MCC: variants seen among roughly 807,000 people sequenced by gnomAD.
The protein encoded by MCC is MCC regulator of Wnt signaling pathway.
A neutral mutation model predicts 116.2 loss-of-function variants in MCC; 90 were observed. That is an observed-to-expected ratio of 0.77 (90% CI 0.65 to 0.92). The LOEUF (loss-of-function observed/expected upper bound fraction) is 0.92, where lower values mean the gene tolerates loss of function less well. MCC is among the 40% of genes least tolerant of loss of function. The pLI is 0.00. For missense variants in MCC, 1,516 were observed against 1,312.2 expected (o/e 1.16, Z -2.40); for synonymous variants, 578 against 510.5 (o/e 1.13, Z -1.78).
At chr5:113,105,002 CCG>C (rs1215162867) in intron 6 of MCC, among the ~76,000 whole-genome samples, 1 of 152,196 alleles carries the variant, frequency 6.6e-6, no homozygotes, top group Non-Finnish European at 1.5e-5. Flanking sequence ...TTGCTTTGAA[CCG>C]CTGGACATCC....
At position 113,051,714 on chromosome 5, in the gene MCC, AC is replaced by A. The variant is rs1189400621; in HGVS notation, c.2448+2010del. ...ACTCCAGCCTGGGTAACACAGTGAG[AC>A]CCTGTTTCAAAACAACAAACAAACA... On this transcript the variant is annotated intron_variant, in intron 15 of 18. Transcript: ENST00000408903. Among the ~76,000 whole-genome samples, 4 of 146,290 alleles carry A rather than the reference AC, an allele frequency of 2.7e-5. No individual in the cohort carries two copies. The Admixed American group carries it at 2.8e-4, about 10-fold the overall frequency.
intron 3 of MCC, among the ~76,000 whole-genome samples, chr5:113,244,199 TATGTAATGTGG>T (rs1481682580): frequency 1.3e-5 from 2 of 152,226 alleles, no homozygotes; most frequent in South Asian, 2.1e-4. Flanking sequence ...CCAAATAGCA[TATGTAATGTGG>T]ATGTAATTGT....
intron 1 of MCC, among the ~76,000 whole-genome samples, chr5:113,425,711 A>G (rs1580358287): frequency 1.3e-5 from 2 of 152,196 alleles, no homozygotes; most frequent in Non-Finnish European, 2.9e-5. Flanking sequence ...ACGTGAGAAG[A>G]ATCAGCTAAA....
At chr5:113,327,010 G>T (rs7709646) in intron 3 of MCC, among the ~76,000 whole-genome samples, 2 of 152,036 alleles carry the variant, frequency 1.3e-5, no homozygotes, top group Admixed American at 6.5e-5. Context: ...AACAAAAATG[G>T]TTCCTAAATT....
chr5:113,447,624 C>T (rs997668280), intron 1 of MCC, among the ~76,000 whole-genome samples: 8 of 152,120 alleles, frequency 5.3e-5, no homozygotes, highest in East Asian at 1.9e-4. Context: ...TTATAGTTGG[C>T]TCATTCCCTA....
At chr5:113,074,786 C>G (rs776864296) in intron 11 of MCC, among the ~76,000 whole-genome samples, 2 of 152,152 alleles carry the variant, frequency 1.3e-5, no homozygotes, top group Non-Finnish European at 2.9e-5. Flanking sequence ...GAAAGCGTAT[C>G]AGGGATTGAA....
intron 3 of MCC, among the ~76,000 whole-genome samples, chr5:113,213,996 A>T (rs1312342156): frequency 6.6e-6 from 1 of 152,172 alleles, no homozygotes. Context: ...GAGGGACCCA[A>T]TCAGCCAAGT....
At chr5:113,364,778 A>C (rs181410566) in intron 2 of MCC, among the ~76,000 whole-genome samples, 1 of 152,260 alleles carries the variant, frequency 6.6e-6, no homozygotes, top group East Asian at 1.9e-4. Flanking sequence ...CAGGCTTAAC[A>C]CCATGTAGAA....
intron 8 of MCC, among the ~76,000 whole-genome samples, chr5:113,091,979 TTC>T (rs956370260): frequency 6.6e-6 from 1 of 152,134 alleles, no homozygotes; most frequent in Admixed American, 6.5e-5. Flanking sequence ...GTGGGTGTTG[TTC>T]TGTTTCATTC....
rs150763374 is a variant in MCC at position 113,410,880 on chromosome 5, G to A, written c.171-25668C>T. Among the ~76,000 whole-genome samples, 872 of 152,278 alleles carry A rather than the reference G, an allele frequency of 5.7e-3. 1 individual carries two copies. The highest frequency in any genetic ancestry group is 0.041 in the Middle Eastern group (12 of 294). ...TGTTTGGTTTTCTGTCCGTGTGATA[G>A]TTTGCTCAGAATGATGGTTTCCAGC... On this transcript the variant is annotated intron_variant, in intron 1 of 18. Coordinates refer to ENST00000408903, the MANE Select transcript of MCC (RefSeq NM_001085377.2).
At chr5:113,165,049 G>C (rs899160673) in intron 3 of MCC, among the ~76,000 whole-genome samples, 1 of 152,208 alleles carries the variant, frequency 6.6e-6, no homozygotes, top group African/African-American at 2.4e-5. Context: ...TGCACCTCCT[G>C]CACCCCACCC....
intron 1 of MCC, among the ~76,000 whole-genome samples, chr5:113,461,529 G>A (rs1771741496): frequency 6.6e-6 from 1 of 151,782 alleles, no homozygotes; most frequent in South Asian, 2.1e-4. Flanking sequence ...GAAGGTCCAG[G>A]TATGGTGGCT....
At chr5:113,432,514 G>A (rs565256778) in intron 1 of MCC, 134 of 152,166 alleles carry the variant, frequency 8.8e-4, no homozygotes, top group African/African-American at 3.2e-3. Flanking sequence ...CTCCCATAGG[G>A]TTATGAGAAC....
intron 6 of MCC, among the ~76,000 whole-genome samples, chr5:113,109,068 A>G (rs941457886): frequency 1.3e-5 from 2 of 152,250 alleles, no homozygotes; most frequent in Non-Finnish European, 2.9e-5. Flanking sequence ...GCCAGCATCC[A>G]CATGGCTCCA....
At chr5:113,210,635 A>T (rs1412732774) in intron 3 of MCC, among the ~76,000 whole-genome samples, 1 of 152,198 alleles carries the variant, frequency 6.6e-6, no homozygotes, top group Non-Finnish European at 1.5e-5. Context: ...TACTCAGGCA[A>T]ACATGACACG....
intron 3 of MCC, among the ~76,000 whole-genome samples, chr5:113,238,869 C>T (rs1353649119): frequency 6.6e-6 from 1 of 152,108 alleles, no homozygotes; most frequent in East Asian, 1.9e-4. Flanking sequence ...ACATATTTTC[C>T]AAAGAAGCAG....
chr5:113,423,509 T>C (rs982253953), intron 1 of MCC, among the ~76,000 whole-genome samples: 1 of 152,176 alleles, frequency 6.6e-6, no homozygotes, highest in Non-Finnish European at 1.5e-5. Flanking sequence ...AGAACATAAT[T>C]ACTGTGAATA....
chr5:113,246,426 C>T (rs1440462080), intron 3 of MCC, among the ~76,000 whole-genome samples: 3 of 152,148 alleles, frequency 2.0e-5, no homozygotes, highest in Admixed American at 6.5e-5. Flanking sequence ...GGGGAAGTGA[C>T]GTTACATTGT....
intron 5 of MCC, among the ~76,000 whole-genome samples, chr5:113,141,697 T>C (rs1048407689): frequency 2.0e-5 from 3 of 152,228 alleles, no homozygotes; most frequent in Non-Finnish European, 4.4e-5. Context: ...TCTCCACAGA[T>C]GTAGTCTTCC....
Sources: gnomAD v4.1 joint callset for allele counts (sites outside exome capture counted in the v4.1 genomes callset) on GRCh38, gnomAD v4.1.1 for gene constraint, MANE v1.5 for transcripts, NCBI Gene and HGNC (gene_info 2026-07-23, HGNC 2026-07-21) for gene names.